Variants in C6orf62 observed in about 807,000 individuals in gnomAD.
The protein encoded by C6orf62 is uncharacterized protein C6orf62.
A neutral mutation model predicts 26.8 loss-of-function variants in C6orf62; 16 were observed. The observed-to-expected ratio is 0.60, with a 90% confidence interval of 0.40 to 0.91. C6orf62 has a LOEUF of 0.91. Among genes scored for constraint, C6orf62 ranks in the 40% least tolerant of loss-of-function variants. The probability of loss-of-function intolerance (pLI) is 0.00; values close to 1 mark genes in which losing one functional copy is unlikely to be tolerated. For missense variants in C6orf62, 192 were observed against 271.4 expected (o/e 0.71, Z 2.06); for synonymous variants, 112 against 91.5 (o/e 1.22, Z -1.28).
intron 3 of C6orf62, chr6:24,710,368 C>A (rs987020170): frequency 4.1e-6 from 2 of 482,242 alleles, no homozygotes; most frequent in Non-Finnish European, 5.4e-6. Context: ...TGGGTTCAAG[C>A]GATTCTTCTG....
chr6:24,720,477 G>A (rs971698183), upstream of C6orf62: 14 of 871,210 alleles, frequency 1.6e-5, no homozygotes, highest in African/African-American at 3.5e-5. Context: ...CGGAGGGGAA[G>A]GACGCGGAGA....
chr6:24,711,058 G>A (rs1779110891), intron 3 of C6orf62, among the ~76,000 whole-genome samples: 1 of 152,096 alleles, frequency 6.6e-6, no homozygotes, highest in Admixed American at 6.6e-5. Context: ...AAACAAATGT[G>A]TTAAAAACTG....
chr6:24,710,064 C>A (rs756725075), intron 3 of C6orf62: 2 of 976,362 alleles, frequency 2.0e-6, no homozygotes, highest in Non-Finnish European at 2.4e-6. Flanking sequence ...AATTGTACTT[C>A]CATACAATTC....
intron 4 of C6orf62, among the ~76,000 whole-genome samples, chr6:24,707,602 C>T (rs1237156175): frequency 1.3e-5 from 2 of 152,176 alleles, no homozygotes; most frequent in Non-Finnish European, 2.9e-5. Context: ...CCTCCCCCAT[C>T]GGCTTCCCAA....
chr6:24,715,880 C>A (rs566906998), intron 2 of C6orf62, among the ~76,000 whole-genome samples: 2 of 144,538 alleles, frequency 1.4e-5, no homozygotes, highest in East Asian at 4.3e-4. Flanking sequence ...AGTCCGAGAT[C>A]ATCAACACCT....
At position 24,718,649 on chromosome 6, in the gene C6orf62, C is replaced by G; in HGVS notation, c.20G>C (p.Arg7Pro). 1 of 1,613,822 alleles carries G rather than the reference C, an allele frequency of 6.2e-7. No homozygotes were observed. The highest frequency in any genetic ancestry group is 8.5e-7 in the Non-Finnish European group (1 of 1,179,978). Residue 7 changes from arginine (R) to proline (P), a missense_variant, in exon 1 of 5, where the codon CGG becomes CCG. By Grantham distance (103) the Arg-to-Pro change is moderately radical. Transcript: ENST00000378119. MGDPNS[R>P]KKQALNRLRA... is the part of the protein sequence containing the mutation. Reference sequence around the variant, plus strand: ...TAGTCTGTTCAGAGCTTGTTTCTTCCGGGAGTTTGGGTCCCCCATTTTGAA... The same window carrying G: ...TAGTCTGTTCAGAGCTTGTTTCTTCGGGGAGTTTGGGTCCCCCATTTTGAA...
intron 1 of C6orf62, among the ~76,000 whole-genome samples, chr6:24,717,256 A>G (rs1437144677): frequency 1.3e-5 from 2 of 152,240 alleles, no homozygotes; most frequent in African/African-American, 4.8e-5. Flanking sequence ...TAGATTAAAT[A>G]CAAAGATATG....
At chr6:24,720,440 A>T (rs905652005), upstream of C6orf62, 12 of 1,101,858 alleles carry the variant, frequency 1.1e-5, no homozygotes, top group Non-Finnish European at 1.3e-5. Flanking sequence ...TGGGACCCAT[A>T]GTCTGGCTCG....
chr6:24,719,064 C>A lies in C6orf62; in HGVS notation c.-396G>T, dbSNP rs774489680. ...GGTGTGCAATAAAACACAGCTGACA[C>A]CAGACCAATCCCTAAAATCCATCCG... On this transcript the variant is annotated 5_prime_UTR_variant, in exon 1 of 5. Transcript: ENST00000378119. 44 of 1,005,902 alleles carry A rather than the reference C, an allele frequency of 4.4e-5. No individual in the cohort carries two copies. The highest frequency in any genetic ancestry group is 4.1e-5 in the Non-Finnish European group (35 of 843,526). The allele number at this position is 1,005,902 out of a possible 1,614,324, so 62.3% of individuals were successfully genotyped here.
chr6:24,716,034 T>A, intron 2 of C6orf62, 114 bp downstream of exon 2: 1 of 746,414 alleles, frequency 1.3e-6, no homozygotes, highest in Non-Finnish European at 2.2e-6. Flanking sequence ...CAAATTTACC[T>A]GAAGAGACTG....
rs1275519778 is a variant in C6orf62 at position 24,716,274 on chromosome 6, T to G, written c.180A>C (p.Thr60=). 1 of 1,613,968 alleles carries G rather than the reference T, an allele frequency of 6.2e-7. No individual in the cohort carries two copies. The highest frequency in any genetic ancestry group is 1.3e-5 in the African/African-American group (1 of 75,040). ...FEVSEVIPVM[T]NNYEENILKG... ...TCAGGATATTTTCTTCATAATTATT[T>G]GTCATGACTGGTATAACCTCAGACA... Residue 60 remains threonine, a synonymous_variant, in exon 2 of 5, where the codon ACA becomes ACC. Coordinates refer to ENST00000378119, the MANE Select transcript of C6orf62 (RefSeq NM_030939.5).
At chr6:24,720,488 C>T, upstream of C6orf62, 1 of 688,902 alleles carries the variant, frequency 1.5e-6, no homozygotes, top group Non-Finnish European at 1.9e-6. Flanking sequence ...GACGCGGAGA[C>T]AGCGGCAACA....
chr6:24,708,009 GAA>G (rs543383868), intron 4 of C6orf62, among the ~76,000 whole-genome samples: 1 of 136,376 alleles, frequency 7.3e-6, no homozygotes, highest in Non-Finnish European at 1.6e-5. Context: ...TCCCTCTCAA[GAA>G]AAAAAAAAAC....
At chr6:24,717,961 T>C (rs1405855716) in intron 1 of C6orf62, among the ~76,000 whole-genome samples, 1 of 152,196 alleles carries the variant, frequency 6.6e-6, no homozygotes, top group Admixed American at 6.5e-5. Flanking sequence ...CTCTAGGTCA[T>C]TTTGAGTTTT....
At chr6:24,720,013 G>GGGGGCCCC, upstream of C6orf62, 5 of 1,479,382 alleles carry the variant, frequency 3.4e-6, no homozygotes, top group East Asian at 2.5e-5. Flanking sequence ...TCTAAAGTAA[G>GGGGGCCCC]CCCACCCACC....
At chr6:24,710,638 T>C in intron 3 of C6orf62, 5 of 983,818 alleles carry the variant, frequency 5.1e-6, no homozygotes, top group Non-Finnish European at 6.0e-6. Context: ...GGGAACATTA[T>C]GATTTTGGAT....
rs1025059657 is a variant in C6orf62 at position 24,705,051 on chromosome 6, A to C, written c.*1086T>G. 1 of 148,314 alleles carries C rather than the reference A, an allele frequency of 6.7e-6. No individual in the cohort carries two copies. Among genetic ancestry groups the C allele is most frequent in the African/African-American group, 2.5e-5 (1 of 40,130 alleles). 9.2% of individuals were successfully genotyped at this position (148,314 alleles called of 1,614,324 possible). A position where few individuals can be genotyped will look rare whatever the true frequency, so the allele number is the denominator to read the frequency against. ...ATAAAAGTATGCAACCCTTAAGCAA[A>C]GCTTTTCTTCATTTAAAAGGAGAAA... On this transcript the variant is annotated 3_prime_UTR_variant, in exon 5 of 5. Transcript: ENST00000378119.
At position 24,711,764 on chromosome 6, in the gene C6orf62, T is replaced by C. The variant is rs116286700; in HGVS notation, c.429+2554A>G. Among the ~76,000 whole-genome samples the C allele has an allele frequency of 3.6e-3, 545 of 152,322 alleles. 3 individuals are homozygous for C. Among genetic ancestry groups the C allele is most frequent in the African/African-American group, 0.012 (505 of 41,562 alleles). On this transcript the variant is annotated intron_variant, in intron 3 of 4. Coordinates refer to ENST00000378119, the MANE Select transcript of C6orf62 (RefSeq NM_030939.5). ...TTCTTTGAGAAAGAACTGAGTGAGTTATATTTAAGGCCCCTCATATAGGAT... is the reference window on the plus strand; with the variant it reads ...TTCTTTGAGAAAGAACTGAGTGAGTCATATTTAAGGCCCCTCATATAGGAT...
At chr6:24,710,119 C>G in intron 3 of C6orf62, 6 of 984,828 alleles carry the variant, frequency 6.1e-6, no homozygotes, top group Non-Finnish European at 7.2e-6. Context: ...CAAAAGCATG[C>G]TATTAGCTAC....
Sources: gnomAD v4.1 joint callset for allele counts (sites outside exome capture counted in the v4.1 genomes callset) on GRCh38, gnomAD v4.1.1 for gene constraint, MANE v1.5 for transcripts, NCBI Gene and HGNC (gene_info 2026-07-23, HGNC 2026-07-21) for gene names.